The following GRIA4 variants were observed in gnomAD, a reference collection of about 807,000 sequenced individuals.
GRIA4 encodes the protein glutamate receptor 4.
Under a neutral mutation model 104.0 loss-of-function variants are expected in GRIA4, and 34 were observed. That is an observed-to-expected ratio of 0.33 (90% CI 0.25 to 0.44). The LOEUF is 0.44. GRIA4 is among the 20% of genes least tolerant of loss of function. GRIA4 has a pLI of 1.00. For synonymous variants in GRIA4, 386 were observed against 381.9 expected (o/e 1.01, Z -0.13); for missense variants, 750 against 1,096.5 (o/e 0.68, Z 4.46).
chr11:105,966,620 C>T (rs1490821889), intron 14 of GRIA4, among the ~76,000 whole-genome samples: 1 of 152,128 alleles, frequency 6.6e-6, no homozygotes, highest in Non-Finnish European at 1.5e-5. Context: ...GATCAAATTG[C>T]AAAATGATCA....
At chr11:105,927,759 T>C (rs1305947849) in intron 13 of GRIA4, among the ~76,000 whole-genome samples, 1 of 150,080 alleles carries the variant, frequency 6.7e-6, no homozygotes, top group Non-Finnish European at 1.5e-5. Flanking sequence ...CATTTGGTAA[T>C]GTCTGATAAC....
intron 3 of GRIA4, among the ~76,000 whole-genome samples, chr11:105,653,216 T>G (rs1419023695): frequency 6.6e-6 from 1 of 152,230 alleles, no homozygotes. Flanking sequence ...CGGCCTTTTC[T>G]TGCTTTATTT....
At chr11:105,845,310 G>T (rs1944543150) in intron 4 of GRIA4, among the ~76,000 whole-genome samples, 1 of 152,060 alleles carries the variant, frequency 6.6e-6, no homozygotes. Context: ...ATGGTATGTG[G>T]TTCCAAAAGC....
At chr11:105,910,952 T>C (rs937220994) in intron 10 of GRIA4, among the ~76,000 whole-genome samples, 2 of 152,146 alleles carry the variant, frequency 1.3e-5, no homozygotes, top group Admixed American at 1.3e-4. Context: ...TAATAATTAA[T>C]AGTGTTTAAA....
intron 4 of GRIA4, among the ~76,000 whole-genome samples, chr11:105,825,912 A>T (rs1407620885): frequency 6.6e-6 from 1 of 152,058 alleles, no homozygotes; most frequent in Non-Finnish European, 1.5e-5. Context: ...TCTCCCAAAG[A>T]AATTGACTCA....
intron 4 of GRIA4, among the ~76,000 whole-genome samples, chr11:105,831,624 G>A (rs1012861681): frequency 6.6e-6 from 1 of 151,974 alleles, no homozygotes; most frequent in Non-Finnish European, 1.5e-5. Flanking sequence ...TACTCATCAC[G>A]TAAAGGGAGA....
In GRIA4 at chr11:105,717,323, G is replaced by GA. The variant is rs558413616; in HGVS notation, c.248-35648dup. On this transcript the variant is annotated intron_variant, in intron 3 of 16. Coordinates refer to ENST00000282499, the MANE Select transcript of GRIA4 (RefSeq NM_000829.4). ...CATATTTGCCCTAAAAGCATAAAAA[G>GA]AAAAAAAAAATCTTAATGGGAATTC... 4.5e-3 allele frequency among the ~76,000 whole-genome samples: 662 copies of GA among 148,528 alleles called. 2 individuals carry two copies. Among genetic ancestry groups the GA allele is most frequent in the African/African-American group, 9.2e-3 (373 of 40,464 alleles).
At chr11:105,864,609 G>A (rs1201839426) in intron 5 of GRIA4, among the ~76,000 whole-genome samples, 1 of 152,090 alleles carries the variant, frequency 6.6e-6, no homozygotes, top group East Asian at 1.9e-4. Context: ...GGTGGCTCAC[G>A]CCTGTAATCC....
intron 3 of GRIA4, among the ~76,000 whole-genome samples, chr11:105,640,512 A>T (rs541686863): frequency 6.6e-6 from 1 of 151,916 alleles, no homozygotes; most frequent in Non-Finnish European, 1.5e-5. Context: ...CCAGATTAAC[A>T]TTTTATTCTA....
At chr11:105,666,086 G>A (rs1952156167) in intron 3 of GRIA4, among the ~76,000 whole-genome samples, 1 of 151,918 alleles carries the variant, frequency 6.6e-6, no homozygotes, top group Admixed American at 6.6e-5. Context: ...TTTCTGTATA[G>A]AGGTAAAGTG....
At chr11:105,731,195 G>T (rs1394571935) in intron 3 of GRIA4, among the ~76,000 whole-genome samples, 1 of 151,774 alleles carries the variant, frequency 6.6e-6, no homozygotes, top group East Asian at 1.9e-4. Flanking sequence ...AAAACAAACA[G>T]CCCCATCAAA....
At chr11:105,735,363 A>G (rs1938869668) in intron 3 of GRIA4, among the ~76,000 whole-genome samples, 1 of 152,172 alleles carries the variant, frequency 6.6e-6, no homozygotes, top group African/African-American at 2.4e-5. Context: ...AAATATGTAA[A>G]TACTACTGAT....
intron 4 of GRIA4, among the ~76,000 whole-genome samples, chr11:105,772,210 A>G (rs10736648): frequency 0.56 from 85,024 of 152,010 alleles, 24,113 homozygotes; most frequent in African/African-American, 0.65. Flanking sequence ...ATTCTCCATC[A>G]TGTTTAGTGA....
At chr11:105,873,650 A>G (rs1271427425) in intron 5 of GRIA4, among the ~76,000 whole-genome samples, 5 of 151,956 alleles carry the variant, frequency 3.3e-5, no homozygotes, top group Non-Finnish European at 7.4e-5. Context: ...TGTGGTTTTG[A>G]TTTGCATTTC....
chr11:105,732,999 A>G (rs1322133467), intron 3 of GRIA4, among the ~76,000 whole-genome samples: 1 of 152,200 alleles, frequency 6.6e-6, no homozygotes, highest in Non-Finnish European at 1.5e-5. Context: ...TGTGTATACC[A>G]CACTTAAACA....
intron 5 of GRIA4, among the ~76,000 whole-genome samples, chr11:105,875,135 T>G (rs777285300): frequency 4.6e-5 from 7 of 152,320 alleles, no homozygotes; most frequent in South Asian, 2.1e-4. Flanking sequence ...GGGTGTTGAA[T>G]TTTACCGAAG....
At chr11:105,885,836 C>T (rs571618935) in intron 5 of GRIA4, among the ~76,000 whole-genome samples, 3 of 152,314 alleles carry the variant, frequency 2.0e-5, no homozygotes, top group African/African-American at 7.2e-5. Flanking sequence ...GAGAACTTAT[C>T]ATAAAAGTGG....
At chr11:105,702,388 T>C (rs2135525418) in intron 3 of GRIA4, among the ~76,000 whole-genome samples, 2 of 152,082 alleles carry the variant, frequency 1.3e-5, no homozygotes, top group South Asian at 4.1e-4. Flanking sequence ...TAAATATAAG[T>C]GTATGAAATT....
chr11:105,747,308 T>C (rs1939718086), intron 3 of GRIA4, among the ~76,000 whole-genome samples: 1 of 152,072 alleles, frequency 6.6e-6, no homozygotes, highest in Admixed American at 6.6e-5. Context: ...CAATTCAAAA[T>C]TACAAAACAA....
Sources: gnomAD v4.1 joint callset for allele counts (sites outside exome capture counted in the v4.1 genomes callset) on GRCh38, gnomAD v4.1.1 for gene constraint, MANE v1.5 for transcripts, NCBI Gene and HGNC (gene_info 2026-07-23, HGNC 2026-07-21) for gene names.